Variants in SYMPK observed in about 807,000 individuals in gnomAD.
SYMPK encodes symplekin scaffold protein.
In SYMPK, 49 loss-of-function variants were observed where a neutral mutation model predicts 136.4. That is an observed-to-expected ratio of 0.36 (90% CI 0.29 to 0.46). The LOEUF is 0.46. SYMPK is among the 20% of genes least tolerant of loss of function. The pLI is 1.00. For missense variants in SYMPK, 1,365 were observed against 1,690.0 expected, an observed-to-expected ratio of 0.81 and a Z score of 3.37; for synonymous variants, 766 against 713.0, an observed-to-expected ratio of 1.07 and a Z score of -1.19.
chr19:45,831,350 C>T, intron 12 of SYMPK, 34 bp downstream of exon 12: 3 of 1,477,264 alleles, frequency 2.0e-6, no homozygotes, highest in African/African-American at 2.8e-5. Flanking sequence ...GGGTAGGGCT[C>T]CTGTCCTGCC....
In SYMPK at chr19:45,837,828, T is replaced by C. The variant is rs1971339590; in HGVS notation, c.1242+633A>G. On this transcript the variant is annotated intron_variant, in intron 10 of 26. Transcript: ENST00000245934. ...GATTAGGGAGAGAAGGAAAAGAGGT[T>C]CACTCCCAGGTTTCTGGTTTGGGAA... 2.0e-5 allele frequency among the ~76,000 whole-genome samples: 3 copies of C among 151,206 alleles called. No homozygotes were observed. The South Asian group carries it at 6.4e-4, about 32-fold the overall frequency.
At chr19:45,816,685 G>A (rs952174453) in intron 24 of SYMPK, 108 bp from the exon 25 acceptor site, 8 of 1,522,892 alleles carry the variant, frequency 5.3e-6, no homozygotes, top group Non-Finnish European at 6.2e-6. Context: ...CAGCAGTGCA[G>A]GGCCTTCTTG....
At position 45,842,509 on chromosome 19, in the gene SYMPK, A is replaced by T; in HGVS notation, c.848-20T>A. On this transcript the variant is annotated intron_variant, in intron 8 of 26. Transcript: ENST00000245934. ...GGTTGGCTGTGAGGAAAGTGGCAGG[A>T]GCTGTGTCTTGTGGAAGATCTCATG... is the stretch of plus-strand genomic sequence containing the variant. The T allele has an allele frequency of 6.2e-7, 1 of 1,601,444 alleles. No individual in the cohort carries two copies. Among genetic ancestry groups the T allele is most frequent in the African/African-American group, 1.3e-5 (1 of 74,420 alleles).
rs752184648 is a variant in SYMPK, at chr19:45,838,567, G to A, written c.1136C>T (p.Pro379Leu). The change falls in exon 10 of 27, where the codon CCG (proline) becomes CTG (leucine). Residue 379 changes from proline (P) to leucine (L), a missense_variant. Pro to Leu is a moderately conservative substitution (Grantham distance 98, BLOSUM62 -3). Around this residue, in one of 11 missense-constraint regions of SYMPK, gnomAD observed 111 missense variants for 141.2 expected, o/e 0.79. Coordinates refer to ENST00000245934, the MANE Select transcript of SYMPK (RefSeq NM_004819.3). ...CGCTGAGGCCTTCGAGGTCCCCGAC[G>A]GGCCTGGCTCCAAGTCTTTGTCCTC... The part of the protein sequence containing the change: ...DDEDKDLEPG[P>L]SGTSKASAQI... 54 of 1,614,018 alleles carry A rather than the reference G, an allele frequency of 3.3e-5. No homozygotes were observed. The highest frequency in any genetic ancestry group is 1.1e-4 in the South Asian group (10 of 91,086).
chr19:45,827,469 C>A (rs1971069776), intron 16 of SYMPK, 41 bp downstream of exon 16: 7 of 1,495,194 alleles, frequency 4.7e-6, no homozygotes, highest in Non-Finnish European at 6.5e-6. Context: ...CCTCTGCAAG[C>A]TGCAGGCTGA....
chr19:45,817,257 T>G, intron 23 of SYMPK: 2 of 426,036 alleles, frequency 4.7e-6, no homozygotes, highest in East Asian at 4.9e-5. Context: ...CGGGAGCACC[T>G]CTCATGACAT....
At chr19:45,843,382 G>A (rs1203523771) in intron 8 of SYMPK, among the ~76,000 whole-genome samples, 1 of 152,148 alleles carries the variant, frequency 6.6e-6, no homozygotes, top group African/African-American at 2.4e-5. Flanking sequence ...ACAAAACAGA[G>A]AAAATGGTAT....
Position 45,821,472 on chromosome 19 carries a change from TGA to T in SYMPK, c.2803_2804del (p.Ala936LeufsTer17). 6.2e-7 allele frequency: 1 copy of T among 1,613,548 alleles called. No homozygotes were observed. Among genetic ancestry groups the T allele is most frequent in the Non-Finnish European group, 8.5e-7 (1 of 1,179,704 alleles). ...CTCCAGGGTTCAGCGGGGACAAGGC[TGA>T]GTTTCCCTCACCTGCAGCAGGCGGG... is the stretch of plus-strand genomic sequence containing the variant. Reference protein sequence around the residue: ...LLGTQHGEGNSALSPLNPGEL... With the variant: ...LLGTQHGEGNXALSPLNPGEL... On this transcript the variant is annotated frameshift_variant, in exon 22 of 27. Coordinates refer to ENST00000245934, the MANE Select transcript of SYMPK (RefSeq NM_004819.3). LOFTEE classifies it high-confidence loss of function. The surrounding 1 kb of genome is among the most constrained non-coding windows in gnomAD (Gnocchi z 4.4).
At chr19:45,834,427 C>A (rs982052553) in intron 11 of SYMPK, among the ~76,000 whole-genome samples, 1 of 151,532 alleles carries the variant, frequency 6.6e-6, no homozygotes, top group East Asian at 1.9e-4. Context: ...CCACTGCACT[C>A]CAGCCTGGGC....
chr19:45,832,106 G>T (rs1600506788), intron 11 of SYMPK, among the ~76,000 whole-genome samples: 1 of 152,210 alleles, frequency 6.6e-6, no homozygotes, highest in Non-Finnish European at 1.5e-5. Context: ...GACTTCCAAA[G>T]TGCTGGGATT....
At chr19:45,837,730 G>C (rs767128185) in intron 10 of SYMPK, among the ~76,000 whole-genome samples, 24 of 152,158 alleles carry the variant, frequency 1.6e-4, no homozygotes, top group Non-Finnish European at 3.2e-4. Flanking sequence ...GGTAGCAAGT[G>C]AGGGTTGGGC....
intron 12 of SYMPK, chr19:45,830,437 G>A (rs911823435): frequency 2.9e-5 from 15 of 519,620 alleles, no homozygotes; most frequent in Non-Finnish European, 4.9e-5. Context: ...CTGTGAGTGG[G>A]GATCTGAACG....
At position 45,815,501 on chromosome 19, in the gene SYMPK, C is replaced by G; in HGVS notation, c.*59G>C. 9.7e-7 allele frequency: 1 copy of G among 1,034,276 alleles called. No individual in the cohort carries two copies. Among genetic ancestry groups the G allele is most frequent in the Admixed American group, 3.3e-5 (1 of 30,180 alleles). 64.1% of individuals were successfully genotyped at this position (1,034,276 alleles called of 1,614,324 possible). On this transcript the variant is annotated 3_prime_UTR_variant, in exon 27 of 27. Transcript: ENST00000245934. ...TAAGGCAAAGCACCCGCAGGTCAAG[C>G]CCCGCCCCGTCCCCCAGCCCCGAGT...
intron 9 of SYMPK, among the ~76,000 whole-genome samples, chr19:45,839,422 A>C (rs1455344328): frequency 2.0e-5 from 3 of 152,198 alleles, no homozygotes; most frequent in African/African-American, 4.8e-5. Context: ...CAAATTCCTG[A>C]TAGTAAGTGG....
chr19:45,860,185 G>A (rs1283147628), intron 1 of SYMPK, among the ~76,000 whole-genome samples: 2 of 151,844 alleles, frequency 1.3e-5, no homozygotes, highest in African/African-American at 2.4e-5. Context: ...GCCGGGCACG[G>A]TGGCTCAAGC....
rs577964906 is a variant in SYMPK, at chr19:45,816,495, C to G, written c.3341G>C (p.Gly1114Ala). Residue 1114 changes from glycine to alanine, a missense_variant, in exon 25 of 27, where the codon GGG (glycine) becomes GCG (alanine). Coordinates refer to ENST00000245934, the MANE Select transcript of SYMPK (RefSeq NM_004819.3). The stretch of plus-strand genomic sequence containing the variant: ...CAGGGCCCTCACCTCCTCCAAGGGC[C>G]CCGCAGGCGCCTCCTTGGCCTCTGG... ...QEPEAKEAPA[G>A]PLEEDDLEPL... 6.2e-7 allele frequency: 1 copy of G among 1,612,668 alleles called. No individual in the cohort carries two copies. Among genetic ancestry groups the G allele is most frequent in the African/African-American group, 1.3e-5 (1 of 75,004 alleles).
Position 45,821,301 on chromosome 19 carries a change from T to G in SYMPK, c.2893+83A>C, listed in dbSNP as rs760126995. 3 of 1,029,312 alleles carry G rather than the reference T, an allele frequency of 2.9e-6. No homozygotes were observed. The highest frequency in any genetic ancestry group is 1.7e-5 in the Admixed American group (1 of 58,512). The allele number at this position is 1,029,312 out of a possible 1,614,324, so 63.8% of individuals were successfully genotyped here. On this transcript the variant is annotated intron_variant, in intron 22 of 26. Coordinates refer to ENST00000245934, the MANE Select transcript of SYMPK (RefSeq NM_004819.3). This position sits in a 1 kb window ranked among gnomAD's most constrained non-coding sequence, Gnocchi z 4.4. ...AGTGACAGTCTTTGACTTGGCAGAT[T>G]CCAGTGGGGGCATGTGGGTGACTGA...
intron 21 of SYMPK, 117 bp downstream of exon 21, chr19:45,822,639 G>A: frequency 1.3e-6 from 1 of 766,876 alleles, no homozygotes; most frequent in Non-Finnish European, 2.2e-6. Flanking sequence ...AGTACAGCTG[G>A]TGTCCCAGGG....
rs193031994 is a variant in SYMPK at position 45,818,070 on chromosome 19, C to T, written c.2970G>A (p.Glu990=). ...TGAGCAGCATGGGCAGGGGGCTCTGCTCCATCAGCTGCTGCATCACCACGG... is the reference window on the plus strand; with the variant it reads ...TGAGCAGCATGGGCAGGGGGCTCTGTTCCATCAGCTGCTGCATCACCACGG... ...VLAVVMQQLM[E]QSPLPMLLMR... is the part of the protein sequence containing the mutation. The change falls in exon 23 of 27, where the codon GAG becomes GAA. Residue 990 remains glutamate (E), a synonymous_variant. Transcript: ENST00000245934. 1.9e-6 allele frequency: 3 copies of T among 1,562,264 alleles called. No homozygotes were observed. The East Asian group carries it at 7.2e-5, about 37-fold the overall frequency.
Sources: gnomAD v4.1 joint callset for allele counts (sites outside exome capture counted in the v4.1 genomes callset) on GRCh38, gnomAD v4.1.1 for gene constraint, gnomAD v4.1.1 regional missense constraint, Gnocchi (gnomAD v3.1) non-coding constraint, MANE v1.5 for transcripts, NCBI Gene and HGNC (gene_info 2026-07-23, HGNC 2026-07-21) for gene names.